ACOT7: variants seen among roughly 807,000 people sequenced by gnomAD.
ACOT7 encodes acyl-CoA thioesterase 7.
ACOT7 carries 12 observed loss-of-function variants against 40.2 expected under a neutral mutation model. The observed-to-expected ratio is 0.30, with a 90% CI of 0.19 to 0.48. ACOT7 has a LOEUF of 0.48. ACOT7 is among the 20% of genes least tolerant of loss of function. ACOT7 has a pLI of 0.99. For missense variants in ACOT7, 395 were observed against 530.8 expected (o/e 0.74, Z 2.51); for synonymous variants, 228 against 219.5 (o/e 1.04, Z -0.34).
intron 1 of ACOT7, among the ~76,000 whole-genome samples, chr1:6,368,359 C>G (rs764851977): frequency 6.6e-6 from 1 of 152,182 alleles, no homozygotes; most frequent in Non-Finnish European, 1.5e-5. Flanking sequence ...GTGGCTGCAC[C>G]GCAGTCCAGG....
At position 6,274,351 on chromosome 1, in the gene ACOT7, G is replaced by C. The variant is rs1639128598; in HGVS notation, c.1014+6751C>G. 6.6e-6 allele frequency among the ~76,000 whole-genome samples: 1 copy of C among 152,220 alleles called. No individual in the cohort carries two copies. The highest frequency in any genetic ancestry group is 1.5e-5 in the Non-Finnish European group (1 of 68,020). On this transcript the variant is annotated intron_variant, in intron 8 of 8. Coordinates refer to ENST00000361521, the MANE Select transcript of ACOT7 (RefSeq NM_007274.4). This position sits in a 1 kb window ranked among gnomAD's most constrained non-coding sequence, Gnocchi z 5.9. ...TCACAAAGCTGTGGCCCTCAGCACT[G>C]CATGGCAGACAACTTCCAGAAGGCT...
chr1:6,360,848 G>A, intron 1 of ACOT7: 1 of 1,156,390 alleles, frequency 8.6e-7, no homozygotes, highest in Non-Finnish European at 1.2e-6. Flanking sequence ...CCAAATCAGT[G>A]AGGACCTACC....
intron 3 of ACOT7, among the ~76,000 whole-genome samples, chr1:6,335,738 G>A (rs757123912): frequency 6.6e-6 from 1 of 152,236 alleles, no homozygotes; most frequent in Non-Finnish European, 1.5e-5. Flanking sequence ...TTAAGAAAAG[G>A]CCTGTGCCTG....
rs1424166570 is a variant in ACOT7 at position 6,288,859 on chromosome 1, A to G, written c.829+6005T>C. ...AGTTATCTTCTGAACCCCTGGGCCAATGTCTGGATGAAGCAAAGCTGTCCG... is the reference window on the plus strand; with the variant it reads ...AGTTATCTTCTGAACCCCTGGGCCAGTGTCTGGATGAAGCAAAGCTGTCCG... On this transcript the variant is annotated intron_variant, in intron 7 of 8. Coordinates refer to ENST00000361521, the MANE Select transcript of ACOT7 (RefSeq NM_007274.4). This position sits in a 1 kb window ranked among gnomAD's most constrained non-coding sequence, Gnocchi z 4.3. Among the ~76,000 whole-genome samples, 1 of 152,204 alleles carries G rather than the reference A, an allele frequency of 6.6e-6. No homozygotes were observed. The highest frequency in any genetic ancestry group is 1.5e-5 in the Non-Finnish European group (1 of 68,032).
At chr1:6,271,622 C>T (rs971284484) in intron 8 of ACOT7, among the ~76,000 whole-genome samples, 1 of 148,736 alleles carries the variant, frequency 6.7e-6, no homozygotes, top group African/African-American at 2.6e-5. Context: ...CCGCTGTGGC[C>T]TCTCCGCCAT....
At position 6,359,668 on chromosome 1, in the gene ACOT7, C is replaced by T. The variant is rs376402739; in HGVS notation, c.144-9802G>A. On this transcript the variant is annotated intron_variant, in intron 1 of 8. Transcript: ENST00000361521. The surrounding 1 kb of genome is among the most constrained non-coding windows in gnomAD (Gnocchi z 4.1). ...AAAGAAAGAGGCCAAACAATCACAG[C>T]GGCCAGGGTGCAGGCTACAGGAGGC... Among the ~76,000 whole-genome samples the T allele has an allele frequency of 1.3e-5, 2 of 152,336 alleles. No homozygotes were observed. Among genetic ancestry groups the T allele is most frequent in the East Asian group, 1.9e-4 (1 of 5,188 alleles).
rs80012119 is a variant in ACOT7, at chr1:6,323,988, C to T, written c.625+3311G>A. Among the ~76,000 whole-genome samples, 104 of 151,966 alleles carry T rather than the reference C, an allele frequency of 6.8e-4. 2 individuals are homozygous for T. In the East Asian group the frequency reaches 0.013, roughly 20 times the overall value. On this transcript the variant is annotated intron_variant, in intron 5 of 8. Coordinates refer to ENST00000361521, the MANE Select transcript of ACOT7 (RefSeq NM_007274.4). ...AGGGCAGAGACGGAGGGTCCTCCCA[C>T]GGGATGGGATAGCACGTGTCACACC...
chr1:6,325,731 G>T (rs1295017651), intron 5 of ACOT7, among the ~76,000 whole-genome samples: 1 of 152,186 alleles, frequency 6.6e-6, no homozygotes, highest in African/African-American at 2.4e-5. Flanking sequence ...CACTCCTGCT[G>T]CATGCCAGCA....
intron 4 of ACOT7, 60 bp from the exon 5 acceptor site, chr1:6,327,473 G>A: frequency 1.3e-6 from 2 of 1,536,058 alleles, no homozygotes; most frequent in Non-Finnish European, 1.8e-6. Flanking sequence ...CCCTCGCTGG[G>A]CGGCCATGAT....
chr1:6,366,397 A>G (rs1335040045), intron 1 of ACOT7, among the ~76,000 whole-genome samples: 4 of 151,976 alleles, frequency 2.6e-5, no homozygotes, highest in African/African-American at 9.7e-5. Flanking sequence ...AGCCTGGGCA[A>G]TATAAGGAGA....
chr1:6,351,720 C>G (rs1641596623), intron 1 of ACOT7, among the ~76,000 whole-genome samples: 1 of 152,232 alleles, frequency 6.6e-6, no homozygotes, highest in African/African-American at 2.4e-5. Context: ...TGAATGACTG[C>G]TGCAGGCCTC....
intron 8 of ACOT7, among the ~76,000 whole-genome samples, chr1:6,269,815 G>A (rs1232704544): frequency 6.6e-6 from 1 of 152,248 alleles, no homozygotes; most frequent in Non-Finnish European, 1.5e-5. Context: ...TCCAGGCTCT[G>A]AGACAGAGTC....
chr1:6,326,722 T>TA (rs1372509989), intron 5 of ACOT7, among the ~76,000 whole-genome samples: 1 of 152,008 alleles, frequency 6.6e-6, no homozygotes, highest in Non-Finnish European at 1.5e-5. Flanking sequence ...GGTCAGGAGT[T>TA]AGAGACCAGC....
At chr1:6,392,756 G>A (rs1475728352) in intron 1 of ACOT7, among the ~76,000 whole-genome samples, 1 of 152,198 alleles carries the variant, frequency 6.6e-6, no homozygotes, top group Admixed American at 6.5e-5. Context: ...GGCACCCACC[G>A]AGGGGCTCGC....
chr1:6,300,687 G>A (rs1026045592), intron 6 of ACOT7, among the ~76,000 whole-genome samples: 16 of 134,228 alleles, frequency 1.2e-4, no homozygotes, highest in Non-Finnish European at 1.6e-4. Flanking sequence ...ATCCTGATGC[G>A]CAGCCAGCCC....
rs1420925282 is a variant in ACOT7, at chr1:6,355,808, C to T, written c.144-5942G>A. Among the ~76,000 whole-genome samples, 1 of 152,188 alleles carries T rather than the reference C, an allele frequency of 6.6e-6. No individual in the cohort carries two copies. The highest frequency in any genetic ancestry group is 1.5e-5 in the Non-Finnish European group (1 of 68,032). On this transcript the variant is annotated intron_variant, in intron 1 of 8. Transcript: ENST00000361521. The surrounding 1 kb of genome is among the most constrained non-coding windows in gnomAD (Gnocchi z 5.0). ...GGCCCTGGGGTCCAGCCCACATCCTCGCAGGACAGCCCGAGCCTGTTCCGC... is the reference window on the plus strand; with the variant it reads ...GGCCCTGGGGTCCAGCCCACATCCTTGCAGGACAGCCCGAGCCTGTTCCGC...
rs1031736622 is a variant in ACOT7 at position 6,384,022 on chromosome 1, T to A, written c.143+9235A>T. Among the ~76,000 whole-genome samples the A allele has an allele frequency of 4.6e-5, 7 of 151,980 alleles. No individual in the cohort carries two copies. In the East Asian group the frequency reaches 9.6e-4, roughly 21 times the overall value. On this transcript the variant is annotated intron_variant, in intron 1 of 8. Transcript: ENST00000361521. ...CCCAGCCAACATCTGGCTAATTTTT[T>A]AATCTTTAATAGAGATCAGATCTTG...
intron 1 of ACOT7, among the ~76,000 whole-genome samples, chr1:6,350,436 T>C (rs767617919): frequency 1.3e-5 from 2 of 152,142 alleles, no homozygotes; most frequent in Admixed American, 6.5e-5. Flanking sequence ...AATCAGGCCC[T>C]GGATTGAAGG....
intron 4 of ACOT7, among the ~76,000 whole-genome samples, chr1:6,332,539 G>T (rs950500875): frequency 2.0e-5 from 3 of 152,216 alleles, no homozygotes; most frequent in Non-Finnish European, 4.4e-5. Flanking sequence ...GCTTCTGCCG[G>T]GCGCAGTGGT....
Sources: allele counts gnomAD v4.1 joint callset (sites outside exome capture counted in the v4.1 genomes callset), GRCh38; gene constraint gnomAD v4.1.1; non-coding constraint Gnocchi (gnomAD v3.1); transcripts MANE v1.5; gene names NCBI Gene and HGNC (gene_info 2026-07-23, HGNC 2026-07-21).